SHTN1: variants seen among roughly 807,000 people sequenced by gnomAD.
The protein encoded by SHTN1 is shootin-1.
A neutral mutation model predicts 83.1 loss-of-function variants in SHTN1; 42 were observed. That is an observed-to-expected ratio of 0.51 (90% CI 0.39 to 0.65). SHTN1 has a LOEUF of 0.65. SHTN1 is among the 30% of genes least tolerant of loss of function. The pLI is 0.00. For synonymous variants in SHTN1, 224 were observed against 247.7 expected (o/e 0.90, Z 0.90); for missense variants, 622 against 737.8 (o/e 0.84, Z 1.82).
At chr10:116,953,601 C>CCAGGCAT (rs1351272574) in intron 5 of SHTN1, among the ~76,000 whole-genome samples, 1 of 149,972 alleles carries the variant, frequency 6.7e-6, no homozygotes, top group Non-Finnish European at 1.5e-5. Flanking sequence ...AGGGTAGGAC[C>CCAGGCAT]CAGGCATCAG....
chr10:116,894,550 G>A (rs1847446182), intron 16 of SHTN1, among the ~76,000 whole-genome samples: 1 of 152,154 alleles, frequency 6.6e-6, no homozygotes, highest in African/African-American at 2.4e-5. Context: ...ATTAATTGTG[G>A]CTTAAAAGGA....
intron 1 of SHTN1, among the ~76,000 whole-genome samples, chr10:117,081,003 T>A (rs1045490367): frequency 5.9e-5 from 9 of 151,966 alleles, no homozygotes; most frequent in Non-Finnish European, 1.3e-4. Flanking sequence ...GACTTCCTCT[T>A]TTCCTAATTG....
At chr10:117,085,261 C>G (rs936617175) in intron 1 of SHTN1, among the ~76,000 whole-genome samples, 1 of 152,128 alleles carries the variant, frequency 6.6e-6, no homozygotes, top group South Asian at 2.1e-4. Context: ...TCCTTCTTTT[C>G]TCATATATGC....
chr10:116,953,623 G>GTTTTTTTTTTTTTTTTTTTTTTT (rs759706275), intron 5 of SHTN1, among the ~76,000 whole-genome samples: 1 of 92,720 alleles, frequency 1.1e-5, no homozygotes, highest in Non-Finnish European at 1.9e-5. Context: ...TTTGTGTTTT[G>GTTTTTTTTTTTTTTTTTTTTTTT]TTTTTTTTTT....
intron 1 of SHTN1, among the ~76,000 whole-genome samples, chr10:117,113,382 A>G (rs574683637): frequency 2.9e-4 from 44 of 152,326 alleles, no homozygotes; most frequent in Middle Eastern, 3.4e-3. Context: ...CTTGATGTTC[A>G]TAAAAGCAAT....
intron 15 of SHTN1, among the ~76,000 whole-genome samples, chr10:116,902,362 G>A (rs1258222750): frequency 1.3e-5 from 2 of 152,150 alleles, no homozygotes; most frequent in Non-Finnish European, 2.9e-5. Flanking sequence ...AACAGCAAAT[G>A]GAACCATGTC....
At chr10:116,913,433 G>T (rs576143533) in intron 13 of SHTN1, among the ~76,000 whole-genome samples, 7 of 152,350 alleles carry the variant, frequency 4.6e-5, no homozygotes, top group African/African-American at 1.7e-4. Context: ...GTTGTCCACT[G>T]ATCCTTGTTC....
chr10:116,932,338 A>G (rs1394934492), intron 9 of SHTN1, among the ~76,000 whole-genome samples: 2 of 152,182 alleles, frequency 1.3e-5, no homozygotes, highest in Admixed American at 1.3e-4. Flanking sequence ...AGCAGCGGCA[A>G]CAGACTGTCA....
At chr10:117,052,780 G>A (rs1296778871) in intron 1 of SHTN1, among the ~76,000 whole-genome samples, 1 of 151,648 alleles carries the variant, frequency 6.6e-6, no homozygotes. Context: ...AGCACTTTGG[G>A]AGGCTGAGGC....
chr10:117,082,917 A>G (rs1425688508), intron 1 of SHTN1, among the ~76,000 whole-genome samples: 1 of 150,458 alleles, frequency 6.6e-6, no homozygotes, highest in Non-Finnish European at 1.5e-5. Context: ...TTTTATTTTG[A>G]GCCTATGTGT....
intron 16 of SHTN1, among the ~76,000 whole-genome samples, chr10:116,899,544 TGTGA>T (rs751761412): frequency 1.3e-4 from 13 of 99,164 alleles, no homozygotes; most frequent in African/African-American, 2.2e-4. Flanking sequence ...TGTGTGTGTG[TGTGA>T]GAGAGTGCAT....
chr10:116,999,499 C>T (rs935329806), intron 1 of SHTN1, among the ~76,000 whole-genome samples: 1 of 152,098 alleles, frequency 6.6e-6, no homozygotes, highest in Non-Finnish European at 1.5e-5. Context: ...AAAAAGTTTC[C>T]TTAGGAGAGT....
At chr10:116,901,677 T>G (rs1847743044) in intron 16 of SHTN1, 88 bp downstream of exon 16, 1 of 1,366,332 alleles carries the variant, frequency 7.3e-7, no homozygotes, top group African/African-American at 1.5e-5. Context: ...AATCAAAATC[T>G]CTCTAAAGGA....
At chr10:117,121,431 T>C (rs933876209) in intron 1 of SHTN1, among the ~76,000 whole-genome samples, 1 of 151,462 alleles carries the variant, frequency 6.6e-6, no homozygotes, top group Non-Finnish European at 1.5e-5. Flanking sequence ...TATAAAAAAC[T>C]AGCCGGGCAT....
intron 16 of SHTN1, among the ~76,000 whole-genome samples, chr10:116,891,982 TAAAC>T (rs1475956044): frequency 6.6e-6 from 1 of 152,212 alleles, no homozygotes; most frequent in African/African-American, 2.4e-5. Flanking sequence ...TTTACATTGT[TAAAC>T]AACAGAATAC....
At chr10:116,953,802 A>G (rs1311272969) in intron 5 of SHTN1, among the ~76,000 whole-genome samples, 1 of 150,984 alleles carries the variant, frequency 6.6e-6, no homozygotes, top group East Asian at 1.9e-4. Flanking sequence ...TAATTTTTGT[A>G]TTTTTTAGTA....
At chr10:116,898,307 G>A (rs1049923342) in intron 16 of SHTN1, among the ~76,000 whole-genome samples, 3 of 150,680 alleles carry the variant, frequency 2.0e-5, no homozygotes, top group South Asian at 2.1e-4. Context: ...CAGCCTGGGC[G>A]ACAGCAAGAC....
At chr10:117,116,333 T>C (rs1039933935) in intron 1 of SHTN1, among the ~76,000 whole-genome samples, 2 of 152,148 alleles carry the variant, frequency 1.3e-5, no homozygotes, top group Non-Finnish European at 1.5e-5. Flanking sequence ...GATAAATTCC[T>C]GGACACATGC....
At chr10:117,054,554 C>T (rs866138741) in intron 1 of SHTN1, among the ~76,000 whole-genome samples, 6 of 151,556 alleles carry the variant, frequency 4.0e-5, no homozygotes, top group Non-Finnish European at 7.4e-5. Context: ...TACAGGTGCC[C>T]GCCACCATGC....
Sources: allele counts gnomAD v4.1 joint callset (sites outside exome capture counted in the v4.1 genomes callset), GRCh38; gene constraint gnomAD v4.1.1; transcripts MANE v1.5; gene names NCBI Gene and HGNC (gene_info 2026-07-23, HGNC 2026-07-21).